PTPRA: variants seen among roughly 807,000 people sequenced by gnomAD.
PTPRA encodes receptor-type tyrosine-protein phosphatase alpha.
A neutral mutation model predicts 104.8 loss-of-function variants in PTPRA; 25 were observed. The observed-to-expected ratio is 0.24, with a 90% CI of 0.17 to 0.33. The LOEUF is 0.33. Ranked by LOEUF, PTPRA falls within the 10% of genes least tolerant of loss-of-function variation. PTPRA has a pLI of 1.00. For missense variants in PTPRA, 765 were observed against 1,015.3 expected (o/e 0.75, Z 3.35); for synonymous variants, 323 against 368.9 (o/e 0.88, Z 1.43).
intron 20 of PTPRA, among the ~76,000 whole-genome samples, chr20:3,028,979 T>C (rs1368720334): frequency 6.6e-6 from 1 of 152,202 alleles, no homozygotes; most frequent in African/African-American, 2.4e-5. Flanking sequence ...ATTGAATTTA[T>C]AGTCAAACAT....
At chr20:2,970,533 T>G (rs1279521146) in intron 5 of PTPRA, among the ~76,000 whole-genome samples, 1 of 152,226 alleles carries the variant, frequency 6.6e-6, no homozygotes, top group Non-Finnish European at 1.5e-5. Flanking sequence ...TCTTTACCCA[T>G]TTTTATTAGA....
At chr20:3,002,220 C>T (rs2063663686) in intron 9 of PTPRA, among the ~76,000 whole-genome samples, 1 of 151,716 alleles carries the variant, frequency 6.6e-6, no homozygotes, top group Non-Finnish European at 1.5e-5. Flanking sequence ...TTTATTCAGT[C>T]TTTTTTTAAA....
chr20:2,987,626 C>T (rs1013360706), intron 7 of PTPRA, among the ~76,000 whole-genome samples: 1 of 152,172 alleles, frequency 6.6e-6, no homozygotes, highest in Non-Finnish European at 1.5e-5. Flanking sequence ...ACTGTGTCCA[C>T]CCAATCCAAA....
Position 2,977,232 on chromosome 20 carries a change from C to T in PTPRA, c.442+1991C>T, listed in dbSNP as rs528709700. 1.3e-3 allele frequency among the ~76,000 whole-genome samples: 193 copies of T among 150,532 alleles called. 1 individual carries two copies. The highest frequency in any genetic ancestry group is 4.0e-3 in the African/African-American group (164 of 40,922). On this transcript the variant is annotated intron_variant, in intron 6 of 23. Coordinates refer to ENST00000399903, the MANE Select transcript of PTPRA (RefSeq NM_001385305.1). Reference sequence around the variant, plus strand: ...CAGAGGTTGCAGTGAGCCAAGATCGCGCTCTTGGCTGCGATCCAGACTGCA... The same window carrying T: ...CAGAGGTTGCAGTGAGCCAAGATCGTGCTCTTGGCTGCGATCCAGACTGCA...
At chr20:2,993,207 G>A (rs933323917) in intron 9 of PTPRA, among the ~76,000 whole-genome samples, 7 of 152,206 alleles carry the variant, frequency 4.6e-5, no homozygotes, top group Non-Finnish European at 7.3e-5. Flanking sequence ...GGCCCAGCAA[G>A]CATTGCTCCT....
At chr20:3,036,552 A>G (rs1386029977) in intron 22 of PTPRA, among the ~76,000 whole-genome samples, 2 of 152,220 alleles carry the variant, frequency 1.3e-5, no homozygotes, top group African/African-American at 2.4e-5. Context: ...GCCTTCCCTG[A>G]GTACCCTGCC....
intron 1 of PTPRA, among the ~76,000 whole-genome samples, chr20:2,909,357 G>A (rs1254982928): frequency 6.6e-6 from 1 of 152,050 alleles, no homozygotes; most frequent in African/African-American, 2.4e-5. Context: ...CACTTTGGGA[G>A]GCTGAGGCTG....
At chr20:2,952,014 A>G (rs2061370056) in intron 3 of PTPRA, among the ~76,000 whole-genome samples, 1 of 152,016 alleles carries the variant, frequency 6.6e-6, no homozygotes, top group Non-Finnish European at 1.5e-5. Flanking sequence ...CCAGCTACTC[A>G]GGAGACTGAG....
chr20:3,013,641 C>A (rs946529915), intron 11 of PTPRA, among the ~76,000 whole-genome samples: 1 of 152,056 alleles, frequency 6.6e-6, no homozygotes, highest in Non-Finnish European at 1.5e-5. Context: ...AAACTCCCTA[C>A]CTCAGGTGAT....
intron 2 of PTPRA, among the ~76,000 whole-genome samples, chr20:2,941,338 C>T (rs1038007257): frequency 1.8e-4 from 27 of 152,110 alleles, no homozygotes; most frequent in African/African-American, 6.5e-4. Context: ...GTCTCTTTTC[C>T]TCTGTTATCT....
intron 13 of PTPRA, among the ~76,000 whole-genome samples, chr20:3,020,771 G>A (rs1280234612): frequency 6.6e-6 from 1 of 152,204 alleles, no homozygotes; most frequent in African/African-American, 2.4e-5. Context: ...GCTCCACAGT[G>A]GCATGGGAAG....
intron 1 of PTPRA, among the ~76,000 whole-genome samples, chr20:2,904,918 A>G (rs1197347168): frequency 6.6e-6 from 1 of 152,188 alleles, no homozygotes; most frequent in Non-Finnish European, 1.5e-5. Context: ...AATTTAGACT[A>G]TATTCAAATA....
At position 3,007,305 on chromosome 20, in the gene PTPRA, AT is replaced by A. The variant is rs2063922045; in HGVS notation, c.830-35del. ...TTGCGTCAGGTTCTGTGAGAAATAA[AT>A]TTTGATTTTACTGAAATATTGTTGG... On this transcript the variant is annotated intron_variant, in intron 10 of 23. Coordinates refer to ENST00000399903, the MANE Select transcript of PTPRA (RefSeq NM_001385305.1). 1.1e-5 allele frequency: 17 copies of A among 1,586,844 alleles called. No individual in the cohort carries two copies. The African/African-American group carries it at 1.1e-4, about 10-fold the overall frequency.
chr20:2,915,727 C>G (rs1302690819), intron 1 of PTPRA, among the ~76,000 whole-genome samples: 2 of 152,162 alleles, frequency 1.3e-5, no homozygotes, highest in African/African-American at 2.4e-5. Context: ...GTGGCTCATG[C>G]CTGTAATCCT....
chr20:2,926,068 T>C (rs753606915), intron 2 of PTPRA, among the ~76,000 whole-genome samples: 3 of 152,204 alleles, frequency 2.0e-5, no homozygotes, highest in Non-Finnish European at 4.4e-5. Context: ...TAATTCTAAA[T>C]TATATGTATA....
chr20:2,935,044 A>G (rs1293007276), intron 2 of PTPRA, among the ~76,000 whole-genome samples: 1 of 152,192 alleles, frequency 6.6e-6, no homozygotes, highest in Non-Finnish European at 1.5e-5. Flanking sequence ...TTAAAAATAC[A>G]TACAATATAT....
rs1220078811 is a variant in PTPRA, at chr20:2,873,621, G to GGCCGCC, written c.-256_-251dup. On this transcript the variant is annotated 5_prime_UTR_variant, in exon 1 of 24. Coordinates refer to ENST00000399903, the MANE Select transcript of PTPRA (RefSeq NM_001385305.1). The surrounding 1 kb of genome is among the most constrained non-coding windows in gnomAD (Gnocchi z 4.4). ...CCGCTTCCCCTCGCCATGGAGGCGA[G>GGCCGCC]GCCGCCGCCGCCGCCGCGGGGCTCG... 1 of 150,488 alleles carries GGCCGCC rather than the reference G, an allele frequency of 6.6e-6. No individual in the cohort carries two copies. The highest frequency in any genetic ancestry group is 1.5e-5 in the Non-Finnish European group (1 of 67,402). 9.3% of individuals were successfully genotyped at this position (150,488 alleles called of 1,614,324 possible). A position where few individuals can be genotyped will look rare whatever the true frequency, so the allele number is the denominator to read the frequency against.
intron 1 of PTPRA, among the ~76,000 whole-genome samples, chr20:2,880,982 T>G (rs2090011738): frequency 6.6e-6 from 1 of 151,016 alleles, no homozygotes; most frequent in Non-Finnish European, 1.5e-5. Context: ...TACTCCAGCC[T>G]GGGGGACAGA....
At chr20:3,005,225 T>C in intron 10 of PTPRA, 79 bp downstream of exon 10, 1 of 1,372,946 alleles carries the variant, frequency 7.3e-7, no homozygotes, top group Non-Finnish European at 1.0e-6. Context: ...GAAAGAATCT[T>C]GCAATTGGGC....
Sources: gnomAD v4.1 joint callset for allele counts (sites outside exome capture counted in the v4.1 genomes callset) on GRCh38, gnomAD v4.1.1 for gene constraint, Gnocchi (gnomAD v3.1) non-coding constraint, MANE v1.5 for transcripts, NCBI Gene and HGNC (gene_info 2026-07-23, HGNC 2026-07-21) for gene names.